The following NRG3 variants were observed in gnomAD, a reference collection of about 807,000 sequenced individuals.
NRG3 encodes the protein neuregulin 3, also known as pro-neuregulin-3, membrane-bound isoform.
A neutral mutation model predicts 66.9 loss-of-function variants in NRG3; 31 were observed. The ratio of observed to expected loss-of-function variants is 0.46; its 90% CI spans 0.35 to 0.63. NRG3 has a LOEUF of 0.63. Among genes scored for constraint, NRG3 ranks in the 20% least tolerant of loss-of-function variants. The pLI is 0.00. For missense variants in NRG3, 910 were observed against 878.9 expected (o/e 1.04, Z -0.45); for synonymous variants, 393 against 359.4 (o/e 1.09, Z -1.06).
At chr10:81,904,537 C>G (rs1022466975) in intron 1 of NRG3, among the ~76,000 whole-genome samples, 1 of 152,068 alleles carries the variant, frequency 6.6e-6, no homozygotes, top group African/African-American at 2.4e-5. Flanking sequence ...ATTACTGTCT[C>G]ATTAGTCAAA....
intron 1 of NRG3, among the ~76,000 whole-genome samples, chr10:82,117,505 TGAG>T (rs1218963277): frequency 4.6e-5 from 7 of 152,146 alleles, no homozygotes; most frequent in Non-Finnish European, 8.8e-5. Context: ...TCTTGAATGA[TGAG>T]GAGAGAATTG....
In NRG3 at chr10:82,497,764, G is replaced by A. The variant is rs1590354510; in HGVS notation, c.953+138896G>A. On this transcript the variant is annotated intron_variant, in intron 2 of 8. Coordinates refer to ENST00000372141, the MANE Select transcript of NRG3 (RefSeq NM_001010848.4). ...ATTTTCTTTGGATATATACCCAGAA[G>A]TGAGATTGCTGGACAACATGGTAGT... Among the ~76,000 whole-genome samples, 6 of 152,158 alleles carry A rather than the reference G, an allele frequency of 3.9e-5. No individual in the cohort carries two copies. In the East Asian group the frequency reaches 1.2e-3, roughly 29 times the overall value.
chr10:82,656,952 C>G (rs577878624), intron 2 of NRG3, among the ~76,000 whole-genome samples: 12 of 152,094 alleles, frequency 7.9e-5, no homozygotes, highest in African/African-American at 2.9e-4. Context: ...TGGCTCTCCT[C>G]CCCTCATCAC....
chr10:82,313,588 C>G (rs1014678331), intron 1 of NRG3, among the ~76,000 whole-genome samples: 4 of 152,050 alleles, frequency 2.6e-5, no homozygotes, highest in African/African-American at 9.7e-5. Flanking sequence ...CAGTCCTGAC[C>G]TCTCAAAAAG....
At chr10:81,899,612 T>G (rs1217573444) in intron 1 of NRG3, among the ~76,000 whole-genome samples, 1 of 152,134 alleles carries the variant, frequency 6.6e-6, no homozygotes, top group Admixed American at 6.6e-5. Flanking sequence ...AGTGTGTGTG[T>G]TCTGACCTGT....
At chr10:82,247,039 C>A (rs1396074041) in intron 1 of NRG3, among the ~76,000 whole-genome samples, 1 of 152,146 alleles carries the variant, frequency 6.6e-6, no homozygotes, top group Non-Finnish European at 1.5e-5. Context: ...GCTGCAGTGC[C>A]AGCTGCAGAA....
At chr10:82,778,691 A>T (rs1043968160) in intron 3 of NRG3, among the ~76,000 whole-genome samples, 2 of 152,124 alleles carry the variant, frequency 1.3e-5, no homozygotes, top group Admixed American at 1.3e-4. Flanking sequence ...TTTCTGGCTC[A>T]AGTATGGCTT....
intron 1 of NRG3, among the ~76,000 whole-genome samples, chr10:82,133,019 A>G (rs2069048752): frequency 6.6e-6 from 1 of 151,472 alleles, no homozygotes; most frequent in Non-Finnish European, 1.5e-5. Flanking sequence ...AATCAACTTC[A>G]TTTTGTTGAT....
intron 1 of NRG3, among the ~76,000 whole-genome samples, chr10:81,968,116 G>A (rs1248300417): frequency 6.6e-6 from 1 of 152,146 alleles, no homozygotes; most frequent in Non-Finnish European, 1.5e-5. Flanking sequence ...AGGGGCCCCT[G>A]CTCTGTGCCC....
chr10:81,890,060 A>G (rs1589363539), intron 1 of NRG3, among the ~76,000 whole-genome samples: 2 of 152,194 alleles, frequency 1.3e-5, no homozygotes, highest in African/African-American at 2.4e-5. Flanking sequence ...AAGGAGCTCT[A>G]TTACTTCTAA....
intron 2 of NRG3, among the ~76,000 whole-genome samples, chr10:82,669,142 C>T (rs1221870558): frequency 1.3e-5 from 2 of 151,770 alleles, no homozygotes; most frequent in Non-Finnish European, 2.9e-5. Flanking sequence ...TTGTATGTTG[C>T]AAATTGAAAG....
Position 82,225,229 on chromosome 10 carries a change from C to T in NRG3, c.824-133510C>T, listed in dbSNP as rs984114009. 5.3e-5 allele frequency among the ~76,000 whole-genome samples: 8 copies of T among 152,230 alleles called. No individual in the cohort carries two copies. The South Asian group carries it at 6.2e-4, about 12-fold the overall frequency. The stretch of plus-strand genomic sequence containing the variant: ...GTTAAAAAATTACAAGTTCTAACTA[C>T]GGTATTAACACCTAAAATCAGTTGA... On this transcript the variant is annotated intron_variant, in intron 1 of 8. Transcript: ENST00000372141.
At chr10:81,940,350 G>A (rs1404043203) in intron 1 of NRG3, among the ~76,000 whole-genome samples, 2 of 151,854 alleles carry the variant, frequency 1.3e-5, no homozygotes, top group Non-Finnish European at 2.9e-5. Context: ...TTAATGAGTT[G>A]TCTTTTTTGT....
chr10:82,909,721 A>G (rs1214522901), intron 4 of NRG3, among the ~76,000 whole-genome samples: 1 of 152,198 alleles, frequency 6.6e-6, no homozygotes, highest in African/African-American at 2.4e-5. Context: ...CTGTGATATC[A>G]AGGATGTGAT....
chr10:82,222,882 T>TA (rs2076009055), intron 1 of NRG3, among the ~76,000 whole-genome samples: 1 of 152,208 alleles, frequency 6.6e-6, no homozygotes, highest in South Asian at 2.1e-4. Flanking sequence ...TACATCCTAA[T>TA]ATGTGGCTTT....
At chr10:82,660,175 GACAAGAGCAA>G (rs1376082232) in intron 2 of NRG3, among the ~76,000 whole-genome samples, 1 of 80,648 alleles carries the variant, frequency 1.2e-5, no homozygotes, top group Non-Finnish European at 2.3e-5. Context: ...TAGTGTGGGC[GACAAGAGCAA>G]AACTCCCTCT....
At chr10:82,680,357 A>G (rs924573771) in intron 2 of NRG3, among the ~76,000 whole-genome samples, 1 of 152,228 alleles carries the variant, frequency 6.6e-6, no homozygotes, top group Non-Finnish European at 1.5e-5. Context: ...AATTTTATCC[A>G]CTGCTAAATC....
chr10:82,382,350 G>C lies in NRG3; in HGVS notation c.953+23482G>C, dbSNP rs551093021. Among the ~76,000 whole-genome samples, 4 of 151,786 alleles carry C rather than the reference G, an allele frequency of 2.6e-5. No individual in the cohort carries two copies. The East Asian group carries it at 7.7e-4, about 29-fold the overall frequency. On this transcript the variant is annotated intron_variant, in intron 2 of 8. Transcript: ENST00000372141. ...CTTTAGTAGCTTATAGGTTTTTATG[G>C]ACTCATTCAAATCCCTTAATAATTA... is the stretch of plus-strand genomic sequence containing the variant.
At chr10:81,922,915 T>G (rs1846391406) in intron 1 of NRG3, among the ~76,000 whole-genome samples, 1 of 152,102 alleles carries the variant, frequency 6.6e-6, no homozygotes, top group Non-Finnish European at 1.5e-5. Context: ...AAACTCTGAG[T>G]ATATGGGCTG....
Sources: allele counts gnomAD v4.1 joint callset (sites outside exome capture counted in the v4.1 genomes callset), GRCh38; gene constraint gnomAD v4.1.1; transcripts MANE v1.5; gene names NCBI Gene and HGNC (gene_info 2026-07-23, HGNC 2026-07-21).